The following CPA6 variants were observed in gnomAD, a reference collection of about 807,000 sequenced individuals.
CPA6 encodes the protein carboxypeptidase A6, also known as carboxypeptidase B.
CPA6 carries 58 observed loss-of-function variants against 63.3 expected under a neutral mutation model. That is an observed-to-expected ratio of 0.92 (90% CI 0.74 to 1.14). The LOEUF (loss-of-function observed/expected upper bound fraction) is 1.14. Among genes scored for constraint, CPA6 ranks in the 50% most tolerant of loss-of-function variants. CPA6 has a pLI of 0.00. For missense variants in CPA6, 565 were observed against 526.6 expected (o/e 1.07, Z -0.71); for synonymous variants, 185 against 179.0 (o/e 1.03, Z -0.27).
intron 1 of CPA6, among the ~76,000 whole-genome samples, chr8:67,720,174 G>A (rs550632001): frequency 1.3e-5 from 2 of 151,112 alleles, no homozygotes; most frequent in East Asian, 3.9e-4. Flanking sequence ...GGGTCGCAAG[G>A]TGCTCAGTGG....
chr8:67,717,356 A>G (rs1817403393), intron 1 of CPA6, among the ~76,000 whole-genome samples: 1 of 152,240 alleles, frequency 6.6e-6, no homozygotes, highest in Non-Finnish European at 1.5e-5. Context: ...CAACTGGGAC[A>G]TTGTTGGCTT....
chr8:67,560,858 C>T (rs1408917010), intron 2 of CPA6, among the ~76,000 whole-genome samples: 1 of 152,136 alleles, frequency 6.6e-6, no homozygotes, highest in African/African-American at 2.4e-5. Flanking sequence ...ATCCCTATTT[C>T]TGTTTATGTG....
At chr8:67,571,478 A>G (rs1813484009) in intron 2 of CPA6, among the ~76,000 whole-genome samples, 1 of 152,242 alleles carries the variant, frequency 6.6e-6, no homozygotes, top group South Asian at 2.1e-4. Context: ...GGCAAATTTA[A>G]GAAGATTGAA....
At chr8:67,441,789 A>T (rs1034242636) in intron 8 of CPA6, among the ~76,000 whole-genome samples, 1 of 152,180 alleles carries the variant, frequency 6.6e-6, no homozygotes, top group African/African-American at 2.4e-5. Context: ...TAACAAAAAC[A>T]AGACATGGTA....
intron 2 of CPA6, among the ~76,000 whole-genome samples, chr8:67,545,260 C>A (rs1812790499): frequency 6.6e-6 from 1 of 152,138 alleles, no homozygotes; most frequent in Non-Finnish European, 1.5e-5. Flanking sequence ...GAATACAGCT[C>A]ATTAATTTCT....
At chr8:67,429,754 T>C (rs1809979042) in intron 9 of CPA6, 1 of 152,214 alleles carries the variant, frequency 6.6e-6, no homozygotes, top group South Asian at 2.1e-4. Context: ...ATTATTTCAT[T>C]CTGCTAGTAA....
chr8:67,498,977 A>T (rs941884328), intron 6 of CPA6, among the ~76,000 whole-genome samples: 1 of 152,232 alleles, frequency 6.6e-6, no homozygotes, highest in Non-Finnish European at 1.5e-5. Flanking sequence ...TCTGGCATTT[A>T]AAAAATGTCA....
rs1261703039 is a variant in CPA6 at position 67,463,095 on chromosome 8, T to A, written c.838+20673A>T. On this transcript the variant is annotated intron_variant, in intron 8 of 10. Coordinates refer to ENST00000297770, the MANE Select transcript of CPA6 (RefSeq NM_020361.5). ...GTTATTTGGCTAACCACTTGTAGGTTGTATGGGAAAAATAAATGCAGAAAA... is the reference window on the plus strand; with the variant it reads ...GTTATTTGGCTAACCACTTGTAGGTAGTATGGGAAAAATAAATGCAGAAAA... Among the ~76,000 whole-genome samples the A allele has an allele frequency of 5.3e-5, 8 of 152,206 alleles. No homozygotes were observed. The East Asian group carries it at 1.5e-3, about 29-fold the overall frequency.
rs1352084015 is a variant in CPA6 at position 67,634,213 on chromosome 8, ATTATTAT to A, written c.117-9969_117-9963del. 1.7e-4 allele frequency among the ~76,000 whole-genome samples: 15 copies of A among 86,042 alleles called. 2 individuals are homozygous for A. The highest frequency in any genetic ancestry group is 6.2e-4 in the African/African-American group (14 of 22,560). 56.4% of individuals were successfully genotyped at this position (86,042 alleles called of 152,430 possible). On this transcript the variant is annotated intron_variant, in intron 1 of 10. Coordinates refer to ENST00000297770, the MANE Select transcript of CPA6 (RefSeq NM_020361.5). ...TATTATTATTATTATTATTATTATT[ATTATTAT>A]TTATTTGTTTTTTTTTTGAGACGGA...
At chr8:67,443,992 T>A (rs1272235397) in intron 8 of CPA6, among the ~76,000 whole-genome samples, 1 of 81,084 alleles carries the variant, frequency 1.2e-5, no homozygotes, top group African/African-American at 6.2e-5. Context: ...ACATCCGTAG[T>A]TTTTTTTTTT....
intron 1 of CPA6, among the ~76,000 whole-genome samples, chr8:67,647,316 T>C (rs1176996358): frequency 1.3e-4 from 19 of 151,018 alleles, no homozygotes; most frequent in Admixed American, 1.3e-3. Flanking sequence ...GAGATGCTAT[T>C]AGACAATGAT....
intron 2 of CPA6, among the ~76,000 whole-genome samples, chr8:67,588,039 C>A (rs371602050): frequency 6.6e-6 from 1 of 152,114 alleles, no homozygotes. Flanking sequence ...GCTAAGGAAG[C>A]TTTCATCTTA....
intron 1 of CPA6, among the ~76,000 whole-genome samples, chr8:67,740,498 C>A (rs1019006077): frequency 1.3e-5 from 2 of 152,204 alleles, no homozygotes; most frequent in Non-Finnish European, 2.9e-5. Flanking sequence ...CTATTTCTCA[C>A]AATCCTTTTG....
chr8:67,557,380 A>G (rs1009002429), intron 2 of CPA6, among the ~76,000 whole-genome samples: 2 of 152,184 alleles, frequency 1.3e-5, no homozygotes, highest in Non-Finnish European at 2.9e-5. Flanking sequence ...TAAGAACAAC[A>G]GGATATGAAT....
intron 8 of CPA6, among the ~76,000 whole-genome samples, chr8:67,454,550 CTCA>C (rs1764005288): frequency 1.3e-5 from 2 of 152,328 alleles, no homozygotes; most frequent in South Asian, 4.1e-4. Flanking sequence ...CAGCATCAAA[CTCA>C]TCATTCTTAA....
At chr8:67,703,918 C>T (rs563437731) in intron 1 of CPA6, among the ~76,000 whole-genome samples, 2 of 150,818 alleles carry the variant, frequency 1.3e-5, no homozygotes, top group Admixed American at 1.3e-4. Flanking sequence ...ACCCCACTTA[C>T]ATGCTGCTTT....
At position 67,633,707 on chromosome 8, in the gene CPA6, C is replaced by T. The variant is rs1412946075; in HGVS notation, c.117-9456G>A. On this transcript the variant is annotated intron_variant, in intron 1 of 10. Coordinates refer to ENST00000297770, the MANE Select transcript of CPA6 (RefSeq NM_020361.5). ...AAAAAAAAAAAAAAAAATCAATTTT[C>T]TTCGTCAGATTTTTCTTATCTAGTG... Among the ~76,000 whole-genome samples the T allele has an allele frequency of 4.7e-5, 7 of 148,744 alleles. No individual in the cohort carries two copies. The East Asian group carries it at 1.2e-3, about 25-fold the overall frequency.
intron 1 of CPA6, among the ~76,000 whole-genome samples, chr8:67,704,428 CT>C (rs1328777269): frequency 3.7e-4 from 57 of 152,280 alleles, no homozygotes; most frequent in African/African-American, 1.3e-3. Flanking sequence ...TCATTTTGTG[CT>C]AAAATGCTCT....
intron 1 of CPA6, among the ~76,000 whole-genome samples, chr8:67,648,621 A>C (rs1815768735): frequency 1.3e-5 from 2 of 152,204 alleles, no homozygotes; most frequent in South Asian, 4.1e-4. Context: ...TCGGTGAGAA[A>C]AATGGGAGTA....
Sources: gnomAD v4.1 joint callset for allele counts (sites outside exome capture counted in the v4.1 genomes callset) on GRCh38, gnomAD v4.1.1 for gene constraint, MANE v1.5 for transcripts, NCBI Gene and HGNC (gene_info 2026-07-23, HGNC 2026-07-21) for gene names.